SCAND1: variants seen among roughly 807,000 people sequenced by gnomAD.
SCAND1 encodes the protein SCAN domain containing 1.
SCAND1 carries 3 observed loss-of-function variants against 3.4 expected under a neutral mutation model. That is an observed-to-expected ratio of 0.87 (90% CI 0.40 to 2.25). The LOEUF (loss-of-function observed/expected upper bound fraction) is 2.25. Ranked by LOEUF, SCAND1 falls within the 30% of genes most tolerant of loss-of-function variation. The pLI is 0.05. For synonymous variants in SCAND1, 152 were observed against 120.5 expected (o/e 1.26, Z -1.72); for missense variants, 303 against 258.8 (o/e 1.17, Z -1.17).
chr20:35,959,145 C>T (rs2056285896), upstream of SCAND1: 1 of 152,172 alleles, frequency 6.6e-6, no homozygotes, highest in Admixed American at 6.5e-5. Context: ...AACTACCACA[C>T]AGGATGGTTC....
At chr20:35,958,476 TAG>T (rs1022538296), upstream of SCAND1, among the ~76,000 whole-genome samples, 6 of 152,226 alleles carry the variant, frequency 3.9e-5, no homozygotes, top group African/African-American at 1.4e-4. Flanking sequence ...TATAGATTCA[TAG>T]AAGGTTGCAA....
Position 35,953,699 on chromosome 20 carries a change from C to CA in SCAND1, c.*45dup, listed in dbSNP as rs2147151762. The CA allele has an allele frequency of 6.2e-6, 8 of 1,293,390 alleles. No individual in the cohort carries two copies. Among genetic ancestry groups the CA allele is most frequent in the Non-Finnish European group, 8.1e-6 (8 of 992,924 alleles). The allele number at this position is 1,293,390 out of a possible 1,614,324, so 80.1% of individuals were successfully genotyped here. A position where few individuals can be genotyped will look rare whatever the true frequency, so the allele number is the denominator to read the frequency against. ...AGGCCCCCGGGCCCGATCATGGCCCCAGTCCGCACAGAGCGCCCGGCCCTG... is the reference window on the plus strand; with the variant it reads ...AGGCCCCCGGGCCCGATCATGGCCCCAAGTCCGCACAGAGCGCCCGGCCCTG... On this transcript the variant is annotated 3_prime_UTR_variant, in exon 2 of 2. Coordinates refer to ENST00000305978, the MANE Select transcript of SCAND1 (RefSeq NM_033630.3).
In SCAND1 at chr20:35,953,847, C is replaced by T. The variant is rs1368441196; in HGVS notation, c.438G>A (p.Gln146=). The T allele has an allele frequency of 3.8e-6, 6 of 1,588,892 alleles. No individual in the cohort carries two copies. The highest frequency in any genetic ancestry group is 5.1e-6 in the Non-Finnish European group (6 of 1,169,970). ...WLRPDIRTKE[Q]IVEMLVQEQL... ...GCTCTTGCACCAGCATCTCCACGAT[C>T]TGCTCCTTGGTGCGGATGTCAGGCC... The change falls in exon 2 of 2, where the codon CAG becomes CAA. Residue 146 remains glutamine, a synonymous_variant. Coordinates refer to ENST00000305978, the MANE Select transcript of SCAND1 (RefSeq NM_033630.3).
chr20:35,954,439 G>C lies in SCAND1; in HGVS notation c.-56+9C>G. On this transcript the variant is annotated intron_variant, in intron 1 of 1. Transcript: ENST00000305978. ...GACTCGGGACCGGCCGAGAGTGTGCGGAGCTTACCTGCACCAGCGAAGCGC... is the reference window on the plus strand; with the variant it reads ...GACTCGGGACCGGCCGAGAGTGTGCCGAGCTTACCTGCACCAGCGAAGCGC... 6 of 1,549,822 alleles carry C rather than the reference G, an allele frequency of 3.9e-6. No homozygotes were observed. The highest frequency in any genetic ancestry group is 5.2e-6 in the Non-Finnish European group (6 of 1,146,942).
upstream of SCAND1, chr20:35,957,729 A>G (rs1004563910): frequency 2.0e-5 from 3 of 152,250 alleles, no homozygotes; most frequent in African/African-American, 7.2e-5. Flanking sequence ...AGATTGAGAA[A>G]CCAAGATGTC....
Position 35,953,762 on chromosome 20 carries a change from CATCCGTGCGGCGGCGG to C in SCAND1, c.507_522del (p.Ile169MetfsTer25). 1 of 1,476,582 alleles carries C rather than the reference CATCCGTGCGGCGGCGG, an allele frequency of 6.8e-7. No individual in the cohort carries two copies. Among genetic ancestry groups the C allele is most frequent in the Non-Finnish European group, 9.0e-7 (1 of 1,116,976 alleles). 91.5% of individuals were successfully genotyped at this position (1,476,582 alleles called of 1,614,324 possible). On this transcript the variant is annotated frameshift_variant, in exon 2 of 2. Coordinates refer to ENST00000305978, the MANE Select transcript of SCAND1 (RefSeq NM_033630.3). LOFTEE classifies it high-confidence loss of function. The stretch of plus-strand genomic sequence containing the variant: ...TCCACCGCTCAGCCAGTGATGCGCA[CATCCGTGCGGCGGCGG>C]ATCCGCCGGGCCCGAGCCGCCTCGG...
At chr20:35,954,803 G>T (rs1418106970), upstream of SCAND1, 1 of 356,522 alleles carries the variant, frequency 2.8e-6, no homozygotes, top group Non-Finnish European at 5.5e-6. Flanking sequence ...ATGAGCTGTA[G>T]CTCTGATGGC....
chr20:35,954,673 G>A (rs1001681897), upstream of SCAND1: 24 of 1,195,096 alleles, frequency 2.0e-5, no homozygotes, highest in Admixed American at 1.0e-4. Flanking sequence ...CCAGTTCGAG[G>A]AGGAGTCGGA....
In SCAND1 at chr20:35,953,805, C is replaced by A; in HGVS notation, c.480G>T (p.Leu160=). ...TCCGCCGGGCCCGAGCCGCCTCGGG[C>A]AGGATGGCGAGCAGCTGCTCTTGCA... ...MLVQEQLLAI[L]PEAARARRIR... The change falls in exon 2 of 2, where the codon CTG becomes CTT. Residue 160 remains leucine (L), a synonymous_variant. Transcript: ENST00000305978. 1.3e-6 allele frequency: 2 copies of A among 1,539,940 alleles called. No individual in the cohort carries two copies. The highest frequency in any genetic ancestry group is 1.7e-6 in the Non-Finnish European group (2 of 1,145,352).
chr20:35,955,950 A>T (rs2056252450), upstream of SCAND1, among the ~76,000 whole-genome samples: 1 of 151,972 alleles, frequency 6.6e-6, no homozygotes, highest in Non-Finnish European at 1.5e-5. Context: ...CGAACTCTTG[A>T]CCTCAGGTGA....
At position 35,954,264 on chromosome 20, in the gene SCAND1, G is replaced by T. The variant is rs770167101; in HGVS notation, c.21C>A (p.Ile7=). 3.7e-6 allele frequency: 6 copies of T among 1,612,780 alleles called. No individual in the cohort carries two copies. Among genetic ancestry groups the T allele is most frequent in the Non-Finnish European group, 5.1e-6 (6 of 1,179,862 alleles). ...CCGCGGGACTCCCAGTGGCCGCCAA[G>T]ATCGGCTCCGTAGCCGCCATAACTC... The part of the protein sequence containing the change: MAATEP[I]LAATGSPAAV... The change falls in exon 2 of 2, where the codon ATC becomes ATA. Residue 7 remains isoleucine (I), a synonymous_variant. Transcript: ENST00000305978.
In SCAND1 at chr20:35,953,641, T is replaced by C. The variant is rs1239791227; in HGVS notation, c.*104A>G. On this transcript the variant is annotated 3_prime_UTR_variant, in exon 2 of 2. Transcript: ENST00000305978. ...AGACCACAGGCGCTGCCAAAACTCATTTTTCATTAACACGGGGTGGGGTCC... is the reference window on the plus strand; with the variant it reads ...AGACCACAGGCGCTGCCAAAACTCACTTTTCATTAACACGGGGTGGGGTCC... 13 of 696,454 alleles carry C rather than the reference T, an allele frequency of 1.9e-5. No individual in the cohort carries two copies. The highest frequency in any genetic ancestry group is 3.9e-5 in the Admixed American group (1 of 25,784). 43.1% of individuals were successfully genotyped at this position (696,454 alleles called of 1,614,324 possible).
chr20:35,958,687 G>A (rs1055477773), upstream of SCAND1, among the ~76,000 whole-genome samples: 1 of 151,874 alleles, frequency 6.6e-6, no homozygotes, highest in African/African-American at 2.4e-5. Context: ...TATCGTGTGT[G>A]GATTAATGCA....
At chr20:35,954,618 C>T (rs1370354983), upstream of SCAND1, 3 of 1,348,060 alleles carry the variant, frequency 2.2e-6, no homozygotes, top group African/African-American at 1.5e-5. Context: ...GGAGGGCGAG[C>T]TGCGCGTGGC....
chr20:35,954,804 C>T (rs1228127934), upstream of SCAND1: 2 of 353,290 alleles, frequency 5.7e-6, no homozygotes, highest in African/African-American at 4.5e-5. Context: ...TGAGCTGTAG[C>T]TCTGATGGCC....
upstream of SCAND1, among the ~76,000 whole-genome samples, chr20:35,956,615 A>G (rs1467313925): frequency 6.6e-6 from 1 of 152,188 alleles, no homozygotes; most frequent in African/African-American, 2.4e-5. Context: ...AGTGTTTGTT[A>G]TGCCTACTGG....
upstream of SCAND1, among the ~76,000 whole-genome samples, chr20:35,956,135 A>T (rs2056254561): frequency 6.6e-6 from 1 of 152,210 alleles, no homozygotes; most frequent in Non-Finnish European, 1.5e-5. Context: ...CCCGTGCAGG[A>T]TGGAGGAGCA....
Position 35,954,007 on chromosome 20 carries a change from G to A in SCAND1, c.278C>T (p.Ser93Phe), listed in dbSNP as rs1246119341. 4 of 1,548,172 alleles carry A rather than the reference G, an allele frequency of 2.6e-6. No individual in the cohort carries two copies. The highest frequency in any genetic ancestry group is 3.5e-6 in the Non-Finnish European group (4 of 1,146,414). Residue 93 changes from serine to phenylalanine, a missense_variant, in exon 2 of 2, where the codon TCC becomes TTC. By Grantham distance (155) the Ser-to-Phe change is radical (BLOSUM62 -2). Coordinates refer to ENST00000305978, the MANE Select transcript of SCAND1 (RefSeq NM_033630.3). ...VAPQAEAEAR[S>F]TPGPAGSRLG... ...TCTAGAGCCGGCGGGGCCTGGTGTG[G>A]AGCGCGCTTCAGCTTCGGCCTGAGG... is the stretch of plus-strand genomic sequence containing the variant.
At chr20:35,957,790 AG>A (rs1364310885), upstream of SCAND1, 1 of 152,238 alleles carries the variant, frequency 6.6e-6, no homozygotes, top group Non-Finnish European at 1.5e-5. Flanking sequence ...TGGTTTCATG[AG>A]GACAGAAATC....
Sources: gnomAD v4.1 joint callset for allele counts (sites outside exome capture counted in the v4.1 genomes callset) on GRCh38, gnomAD v4.1.1 for gene constraint, MANE v1.5 for transcripts, NCBI Gene and HGNC (gene_info 2026-07-23, HGNC 2026-07-21) for gene names.